The following AFAP1 variants were observed in gnomAD, a reference collection of about 807,000 sequenced individuals.
AFAP1 encodes actin filament-associated protein 1.
A neutral mutation model predicts 93.9 loss-of-function variants in AFAP1; 75 were observed. The observed-to-expected ratio is 0.80, with a 90% CI of 0.66 to 0.97. The LOEUF (loss-of-function observed/expected upper bound fraction) is 0.97. AFAP1 is among the 50% of genes least tolerant of loss of function. AFAP1 has a pLI of 0.00. For missense variants in AFAP1, 1,201 were observed against 1,050.8 expected (o/e 1.14, Z -1.98); for synonymous variants, 517 against 430.7 (o/e 1.20, Z -2.48).
intron 1 of AFAP1, among the ~76,000 whole-genome samples, chr4:7,930,224 G>C (rs1029666411): frequency 6.6e-6 from 1 of 152,198 alleles, no homozygotes; most frequent in African/African-American, 2.4e-5. Context: ...GCACACCACG[G>C]GGCAGGGAGG....
intron 15 of AFAP1, chr4:7,774,438 A>G: frequency 2.7e-6 from 1 of 365,420 alleles, no homozygotes; most frequent in South Asian, 4.4e-5. Context: ...CATCCTCCAG[A>G]CAATCTCTGT....
At chr4:7,811,039 G>A (rs1245057028) in intron 8 of AFAP1, among the ~76,000 whole-genome samples, 1 of 152,222 alleles carries the variant, frequency 6.6e-6, no homozygotes, top group Non-Finnish European at 1.5e-5. Flanking sequence ...GCCAGAGAGC[G>A]ACCCTCGGAG....
At position 7,868,600 on chromosome 4, in the gene AFAP1, A is replaced by C. The variant is rs745491431; in HGVS notation, c.225+22T>G. ...CCCAGGCCTCCAGCGATGACCACTG[A>C]GATGGTGGGACCTTGACTCACCAGC... On this transcript the variant is annotated intron_variant, in intron 3 of 17. Coordinates refer to ENST00000420658, the MANE Select transcript of AFAP1 (RefSeq NM_001134647.2). 5.6e-6 allele frequency: 9 copies of C among 1,605,442 alleles called. No individual in the cohort carries two copies. In the South Asian group the frequency reaches 9.9e-5, roughly 18 times the overall value.
chr4:7,852,577 A>C lies in AFAP1; in HGVS notation c.334+2889T>G, dbSNP rs79510424. On this transcript the variant is annotated intron_variant, in intron 4 of 17. Coordinates refer to ENST00000420658, the MANE Select transcript of AFAP1 (RefSeq NM_001134647.2). The stretch of plus-strand genomic sequence containing the variant: ...GAAAAGTCATGACCATCCAATACAG[A>C]AGTGCTACTGAAGGTCCAGACCTTT... Among the ~76,000 whole-genome samples the C allele has an allele frequency of 1.2e-4, 18 of 152,196 alleles. No homozygotes were observed. The East Asian group carries it at 3.5e-3, about 29-fold the overall frequency.
intron 1 of AFAP1, among the ~76,000 whole-genome samples, chr4:7,883,247 T>C (rs962127836): frequency 6.7e-6 from 1 of 148,430 alleles, no homozygotes; most frequent in Non-Finnish European, 1.5e-5. Flanking sequence ...TCTACTGATA[T>C]ATTCACCATA....
At position 7,761,835 on chromosome 4, in the gene AFAP1, G is replaced by A. The variant is rs1353667282; in HGVS notation, c.*1930C>T. On this transcript the variant is annotated 3_prime_UTR_variant, in exon 18 of 18. Coordinates refer to ENST00000420658, the MANE Select transcript of AFAP1 (RefSeq NM_001134647.2). The stretch of plus-strand genomic sequence containing the variant: ...CTGCAATGGTGGGAAGTGACCACTG[G>A]AGGGAGGGCTCCTCTATGGCAATGC... 6.6e-6 allele frequency: 1 copy of A among 152,308 alleles called. No homozygotes were observed. Among genetic ancestry groups the A allele is most frequent in the Admixed American group, 6.5e-5 (1 of 15,290 alleles). 9.4% of individuals were successfully genotyped at this position (152,308 alleles called of 1,614,324 possible).
chr4:7,839,969 C>T (rs915632891), intron 5 of AFAP1, among the ~76,000 whole-genome samples: 6 of 152,170 alleles, frequency 3.9e-5, no homozygotes, highest in Non-Finnish European at 7.3e-5. Context: ...GCAACAATAA[C>T]ATCTGCTACC....
rs1459198345 is a variant in AFAP1 at position 7,818,840 on chromosome 4, A to G, written c.822+236T>C. Among the ~76,000 whole-genome samples the G allele has an allele frequency of 5.3e-5, 8 of 152,348 alleles. No individual in the cohort carries two copies. In the East Asian group the frequency reaches 1.3e-3, roughly 26 times the overall value. ...GTGACCTTGAACAAGGCCCTCACAC[A>G]TTTAAATCCATTGCTTCATCTGTAG... On this transcript the variant is annotated intron_variant, in intron 7 of 17. Transcript: ENST00000420658.
intron 1 of AFAP1, among the ~76,000 whole-genome samples, chr4:7,887,133 G>A (rs761503960): frequency 6.6e-6 from 1 of 152,186 alleles, no homozygotes; most frequent in East Asian, 1.9e-4. Context: ...AAGATGAACT[G>A]GTGGAGTGGG....
intron 6 of AFAP1, among the ~76,000 whole-genome samples, chr4:7,835,355 G>A (rs866480937): frequency 5.9e-4 from 51 of 87,056 alleles, no homozygotes; most frequent in African/African-American, 2.2e-3. Context: ...TACCTGGGTG[G>A]CTCTTGAATG....
In AFAP1 at chr4:7,793,683, G is replaced by A. The variant is rs970178315; in HGVS notation, c.1410C>T (p.Phe470=). The change falls in exon 11 of 18, where the codon TTC becomes TTT. Residue 470 remains phenylalanine, a splice_region_variant and synonymous_variant. Coordinates refer to ENST00000420658, the MANE Select transcript of AFAP1 (RefSeq NM_001134647.2). The part of the protein sequence containing the change: ...ASVIQTAKQT[F]CFMNRRVISA... Reference sequence around the variant, plus strand: ...TTTCACATGGCAGTGGGTCTTACCAGAAGGTCTGTTTGGCTGTCTGAATGA... The same window carrying A: ...TTTCACATGGCAGTGGGTCTTACCAAAAGGTCTGTTTGGCTGTCTGAATGA... 2.6e-6 allele frequency: 4 copies of A among 1,541,044 alleles called. No individual in the cohort carries two copies. Among genetic ancestry groups the A allele is most frequent in the Non-Finnish European group, 3.5e-6 (4 of 1,127,916 alleles).
chr4:7,838,825 T>C (rs1416129470), intron 5 of AFAP1, 122 bp from the exon 6 acceptor site: 9 of 1,000,744 alleles, frequency 9.0e-6, no homozygotes, highest in South Asian at 1.5e-5. Flanking sequence ...AATCTGCAGA[T>C]GAGCAGGTTC....
chr4:7,793,728 A>G lies in AFAP1; in HGVS notation c.1365T>C (p.Asp455=). The change falls in exon 11 of 18, where the codon GAT becomes GAC. Residue 455 remains aspartate, a synonymous_variant. Coordinates refer to ENST00000420658, the MANE Select transcript of AFAP1 (RefSeq NM_001134647.2). ...DPEALHYDYI[D]VEMSASVIQT... is the part of the protein sequence containing the mutation. ...GAATGACACTTGCAGACATCTCCAC[A>G]TCAATGTAGTCATAGTGCAGAGCCT... 6.3e-7 allele frequency: 1 copy of G among 1,579,946 alleles called. No individual in the cohort carries two copies. The highest frequency in any genetic ancestry group is 8.7e-7 in the Non-Finnish European group (1 of 1,153,416).
chr4:7,772,722 G>T, intron 16 of AFAP1, 98 bp downstream of exon 16: 2 of 1,178,884 alleles, frequency 1.7e-6, no homozygotes, highest in Non-Finnish European at 2.4e-6. Flanking sequence ...CCACAAGCAA[G>T]CTACGCCCCA....
chr4:7,834,536 A>C (rs1191324287), intron 6 of AFAP1, among the ~76,000 whole-genome samples: 1 of 152,276 alleles, frequency 6.6e-6, no homozygotes, highest in Non-Finnish European at 1.5e-5. Flanking sequence ...TTTCAAAAAA[A>C]AGCAAGATAA....
intron 5 of AFAP1, among the ~76,000 whole-genome samples, chr4:7,840,274 G>GTGTGCGTGTGTA (rs1491012264): frequency 7.8e-6 from 1 of 128,816 alleles, no homozygotes; most frequent in Non-Finnish European, 1.7e-5. Flanking sequence ...GTGTGTGTGT[G>GTGTGCGTGTGTA]TGTGTGTGTG....
At chr4:7,813,435 A>G (rs528150152) in intron 8 of AFAP1, among the ~76,000 whole-genome samples, 1 of 152,356 alleles carries the variant, frequency 6.6e-6, no homozygotes, top group African/African-American at 2.4e-5. Context: ...TGTTAAGAGG[A>G]AACAGGAGAA....
chr4:7,777,244 G>C (rs1716227490), intron 14 of AFAP1: 1 of 152,192 alleles, frequency 6.6e-6, no homozygotes, highest in South Asian at 2.1e-4. Flanking sequence ...CAGGAAATAA[G>C]ATTTGCCAGA....
At chr4:7,906,395 C>A (rs1436934640) in intron 1 of AFAP1, among the ~76,000 whole-genome samples, 4 of 152,270 alleles carry the variant, frequency 2.6e-5, no homozygotes, top group Non-Finnish European at 4.4e-5. Flanking sequence ...CGTATGAAAT[C>A]ATTCTTATCA....
Sources: gnomAD v4.1 joint callset for allele counts (sites outside exome capture counted in the v4.1 genomes callset) on GRCh38, gnomAD v4.1.1 for gene constraint, MANE v1.5 for transcripts, NCBI Gene and HGNC (gene_info 2026-07-23, HGNC 2026-07-21) for gene names.